Variants in TSHZ3 observed in about 807,000 individuals in gnomAD.
TSHZ3 encodes the protein teashirt zinc finger homeobox 3.
In TSHZ3, 10 loss-of-function variants were observed where a neutral mutation model predicts 64.5. That is an observed-to-expected ratio of 0.16 (90% CI 0.10 to 0.26). The LOEUF (loss-of-function observed/expected upper bound fraction) is 0.26, where lower values mean the gene tolerates loss of function less well. Among genes scored for constraint, TSHZ3 ranks in the 10% least tolerant of loss-of-function variants. TSHZ3 has a pLI of 1.00. For synonymous variants in TSHZ3, 608 were observed against 593.1 expected, an observed-to-expected ratio of 1.03 and a Z score of -0.36; for missense variants, 1,242 against 1,421.7, an observed-to-expected ratio of 0.87 and a Z score of 2.03.
intron 1 of TSHZ3, among the ~76,000 whole-genome samples, chr19:31,252,125 G>A (rs1427833286): frequency 1.3e-5 from 2 of 152,164 alleles, no homozygotes; most frequent in African/African-American, 4.8e-5. Flanking sequence ...TAAACATGGT[G>A]GCTTAAAATA....
At chr19:31,333,435 C>T (rs565225484) in intron 1 of TSHZ3, among the ~76,000 whole-genome samples, 1 of 152,262 alleles carries the variant, frequency 6.6e-6, no homozygotes, top group African/African-American at 2.4e-5. Flanking sequence ...CCAGACCCAT[C>T]TCAGCAAGGG....
intron 1 of TSHZ3, among the ~76,000 whole-genome samples, chr19:31,283,609 G>A (rs1475406947): frequency 6.6e-6 from 1 of 152,154 alleles, no homozygotes; most frequent in Non-Finnish European, 1.5e-5. Flanking sequence ...ATGATACGGG[G>A]CACTTGGGTA....
intron 5 of TSHZ3, among the ~76,000 whole-genome samples, chr19:31,202,249 C>CA (rs764312451): frequency 4.4e-4 from 66 of 151,702 alleles, no homozygotes; most frequent in Non-Finnish European, 8.4e-4. Context: ...AAATAATTCA[C>CA]AAAAAAATAA....
chr19:31,256,968 T>C (rs1975918501), intron 1 of TSHZ3, among the ~76,000 whole-genome samples: 1 of 152,074 alleles, frequency 6.6e-6, no homozygotes, highest in African/African-American at 2.4e-5. Context: ...AGGTCCTGAG[T>C]AGTGAGTTCC....
At chr19:31,305,587 A>G (rs551248784) in intron 1 of TSHZ3, 1 of 152,312 alleles carries the variant, frequency 6.6e-6, no homozygotes, top group South Asian at 2.1e-4. Context: ...CTTCTTGCTT[A>G]GTTGCTAAAG....
intron 1 of TSHZ3, among the ~76,000 whole-genome samples, chr19:31,339,809 G>C (rs538948154): frequency 5.7e-4 from 86 of 151,976 alleles, no homozygotes; most frequent in Non-Finnish European, 7.2e-4. Flanking sequence ...AAAAAAAAGG[G>C]GGGGGCGTTC....
chr19:31,334,012 A>C (rs554618880), intron 1 of TSHZ3, among the ~76,000 whole-genome samples: 1 of 152,298 alleles, frequency 6.6e-6, no homozygotes, highest in African/African-American at 2.4e-5. Flanking sequence ...GAAAGTATGG[A>C]GCTCCAAGAC....
At chr19:31,290,928 G>A (rs1203462752) in intron 1 of TSHZ3, among the ~76,000 whole-genome samples, 9 of 152,092 alleles carry the variant, frequency 5.9e-5, no homozygotes, top group Admixed American at 1.3e-4. Flanking sequence ...TTTTGTACAC[G>A]CTAATTTGAT....
intron 3 of TSHZ3, among the ~76,000 whole-genome samples, chr19:31,229,271 A>G (rs1426494966): frequency 6.6e-6 from 1 of 152,216 alleles, no homozygotes; most frequent in Non-Finnish European, 1.5e-5. Context: ...ACCAAACAGA[A>G]AGATTAGAAA....
chr19:31,292,760 AT>A (rs1285128844), intron 1 of TSHZ3, among the ~76,000 whole-genome samples: 2 of 151,384 alleles, frequency 1.3e-5, no homozygotes, highest in African/African-American at 2.4e-5. Flanking sequence ...CCATCCATCC[AT>A]CCATCCACCC....
At chr19:31,329,846 A>C (rs1917027551) in intron 1 of TSHZ3, among the ~76,000 whole-genome samples, 1 of 152,186 alleles carries the variant, frequency 6.6e-6, no homozygotes, top group Admixed American at 6.5e-5. Flanking sequence ...TTCTATCTTC[A>C]GTCCCATCAG....
At chr19:31,348,453 C>T (rs2021581308) in intron 1 of TSHZ3, among the ~76,000 whole-genome samples, 2 of 149,156 alleles carry the variant, frequency 1.3e-5, no homozygotes, top group South Asian at 4.3e-4. Flanking sequence ...GTTGACACTC[C>T]CGGTTAAAGA....
At chr19:31,238,664 CTT>C (rs1187518244) in intron 3 of TSHZ3, among the ~76,000 whole-genome samples, 1 of 152,166 alleles carries the variant, frequency 6.6e-6, no homozygotes, top group Non-Finnish European at 1.5e-5. Flanking sequence ...ATCTCTTACT[CTT>C]TGTCTTGAAA....
chr19:31,266,066 G>C (rs900600082), intron 1 of TSHZ3, among the ~76,000 whole-genome samples: 5 of 152,186 alleles, frequency 3.3e-5, no homozygotes, highest in African/African-American at 1.2e-4. Flanking sequence ...TACAGGTTCT[G>C]CAGGGCAGTG....
Position 31,276,848 on chromosome 19 carries a change from G to C in TSHZ3, c.2945C>G (p.Ala982Gly). The C allele has an allele frequency of 1.2e-6, 2 of 1,614,196 alleles. No individual in the cohort carries two copies. Among genetic ancestry groups the C allele is most frequent in the East Asian group, 2.2e-5 (1 of 44,884 alleles). Residue 982 changes from alanine (A) to glycine (G), a missense_variant, in exon 2 of 2, where the codon GCG becomes GGG. Ala to Gly is a moderately conservative substitution (Grantham distance 60). Transcript: ENST00000240587. The stretch of plus-strand genomic sequence containing the variant: ...CGTGGAAGGAGTCCTGATTTGGGAC[G>C]CACAATCGTTACAAAAGAAGACGGG... ...GHPVFFCNDC[A>G]SQIRTPSTYI...
chr19:31,277,645 C>T lies in TSHZ3; in HGVS notation c.2148G>A (p.Gln716=). ...TAIITDHPPE[Q]PFVNPLSALQ... ...GGGCGCTCAAAGGGTTAACAAAAGG[C>T]TGTTCAGGCGGGTGGTCGGTGATGA... is the stretch of plus-strand genomic sequence containing the variant. Residue 716 remains glutamine (Q), a synonymous_variant, in exon 2 of 2, where the codon CAG becomes CAA. Transcript: ENST00000240587. This position sits in a 1 kb window ranked among gnomAD's most constrained non-coding sequence, Gnocchi z 4.5. 2 of 1,545,142 alleles carry T rather than the reference C, an allele frequency of 1.3e-6. No individual in the cohort carries two copies. The highest frequency in any genetic ancestry group is 1.4e-5 in the African/African-American group (1 of 72,852).
exon 5 of TSHZ3, chr19:31,204,976 G>A (rs1302105777): frequency 6.6e-6 from 1 of 152,252 alleles, no homozygotes; most frequent in Non-Finnish European, 1.5e-5. Context: ...GTGGATCACG[G>A]GGATTTTGTA....
At chr19:31,300,327 G>A (rs1435956663) in intron 1 of TSHZ3, among the ~76,000 whole-genome samples, 4 of 152,184 alleles carry the variant, frequency 2.6e-5, no homozygotes, top group East Asian at 1.9e-4. Context: ...CTTCAATAAA[G>A]GTGAAGGTTT....
intron 5 of TSHZ3, among the ~76,000 whole-genome samples, chr19:31,203,055 G>GA (rs993679616): frequency 1.1e-3 from 158 of 148,188 alleles, no homozygotes; most frequent in Non-Finnish European, 1.7e-3. Context: ...AAGTAATATA[G>GA]AAAAAAAAAA....
Sources: allele counts gnomAD v4.1 joint callset (sites outside exome capture counted in the v4.1 genomes callset), GRCh38; gene constraint gnomAD v4.1.1; non-coding constraint Gnocchi (gnomAD v3.1); transcripts MANE v1.5; gene names NCBI Gene and HGNC (gene_info 2026-07-23, HGNC 2026-07-21).